TRPM3: variants seen among roughly 807,000 people sequenced by gnomAD.
TRPM3 encodes the protein long transient receptor potential channel 3.
TRPM3 carries 77 observed loss-of-function variants against 181.2 expected under a neutral mutation model. The ratio of observed to expected loss-of-function variants is 0.42; its 90% CI spans 0.35 to 0.51. TRPM3 has a LOEUF of 0.51. Ranked by LOEUF, TRPM3 falls within the 20% of genes least tolerant of loss-of-function variation. TRPM3 has a pLI of 0.01. For synonymous variants in TRPM3, 745 were observed against 796.4 expected (o/e 0.94, Z 1.09); for missense variants, 1,759 against 2,196.7 (o/e 0.80, Z 3.98).
intron 7 of TRPM3, among the ~76,000 whole-genome samples, chr9:70,767,784 C>T (rs886971515): frequency 3.4e-4 from 52 of 152,152 alleles, no homozygotes; most frequent in Non-Finnish European, 1.3e-4. Context: ...TCTTTCCCTG[C>T]TGGTTGCAGG....
intron 1 of TRPM3, among the ~76,000 whole-genome samples, chr9:70,963,207 AT>A (rs1468035112): frequency 6.6e-6 from 1 of 152,208 alleles, no homozygotes; most frequent in Non-Finnish European, 1.5e-5. Context: ...ACTGGGAAGG[AT>A]AAAAGAGTCA....
At chr9:70,801,128 T>G (rs918458286) in intron 6 of TRPM3, among the ~76,000 whole-genome samples, 6 of 152,332 alleles carry the variant, frequency 3.9e-5, no homozygotes, top group Non-Finnish European at 8.8e-5. Context: ...GGATGAAAGG[T>G]ATAAACTAGA....
intron 8 of TRPM3, among the ~76,000 whole-genome samples, chr9:70,693,610 G>A (rs10123284): frequency 0.36 from 55,064 of 151,952 alleles, 10,232 homozygotes; most frequent in East Asian, 0.46. Flanking sequence ...ATCACCAGGC[G>A]AGAGAGTGTC....
chr9:70,957,176 G>A (rs969205373), intron 1 of TRPM3, among the ~76,000 whole-genome samples: 20 of 151,936 alleles, frequency 1.3e-4, no homozygotes, highest in Non-Finnish European at 2.2e-4. Flanking sequence ...GTTGGTCAGG[G>A]TGGTCTCAAA....
intron 6 of TRPM3, among the ~76,000 whole-genome samples, chr9:70,786,007 A>C (rs1380741804): frequency 2.0e-5 from 3 of 152,098 alleles, no homozygotes; most frequent in Admixed American, 1.3e-4. Flanking sequence ...AAATCCAAGG[A>C]GAGGGAAGTG....
At chr9:70,857,159 G>A (rs1455317917) in intron 3 of TRPM3, among the ~76,000 whole-genome samples, 1 of 152,124 alleles carries the variant, frequency 6.6e-6, no homozygotes, top group Non-Finnish European at 1.5e-5. Context: ...TGACATTTAT[G>A]GGGCATCTGA....
chr9:70,846,237 G>C, intron 4 of TRPM3, 141 bp downstream of exon 4: 1 of 725,232 alleles, frequency 1.4e-6, no homozygotes, highest in Non-Finnish European at 2.4e-6. Flanking sequence ...AGATAAAGGA[G>C]GGAGTGATAA....
intron 1 of TRPM3, among the ~76,000 whole-genome samples, chr9:71,389,030 G>A (rs978603315): frequency 2.6e-5 from 4 of 151,896 alleles, no homozygotes; most frequent in African/African-American, 7.3e-5. Context: ...AACTCCAAAC[G>A]AAATTCAAAC....
chr9:70,990,688 C>G (rs970059035), intron 1 of TRPM3, among the ~76,000 whole-genome samples: 1 of 152,038 alleles, frequency 6.6e-6, no homozygotes, highest in East Asian at 1.9e-4. Flanking sequence ...AGTGCACACA[C>G]AGGACTGCAC....
chr9:70,631,013 C>A (rs576037856), intron 12 of TRPM3, among the ~76,000 whole-genome samples: 49 of 152,290 alleles, frequency 3.2e-4, no homozygotes, highest in African/African-American at 1.1e-3. Flanking sequence ...CTTTGAAACT[C>A]ATAACAAGCC....
At chr9:71,243,815 T>C (rs1161835732) in intron 1 of TRPM3, among the ~76,000 whole-genome samples, 1 of 152,126 alleles carries the variant, frequency 6.6e-6, no homozygotes, top group Non-Finnish European at 1.5e-5. Flanking sequence ...GTTTAAATAT[T>C]CAAAAGTTAT....
At chr9:70,767,444 C>T (rs531997303) in intron 7 of TRPM3, among the ~76,000 whole-genome samples, 133 of 152,192 alleles carry the variant, frequency 8.7e-4, no homozygotes, top group Non-Finnish European at 1.1e-3. Flanking sequence ...AGTTGTATGC[C>T]ATGTATTCTG....
At chr9:71,021,934 A>G (rs1378345188) in intron 1 of TRPM3, among the ~76,000 whole-genome samples, 3 of 152,212 alleles carry the variant, frequency 2.0e-5, no homozygotes, top group Non-Finnish European at 4.4e-5. Flanking sequence ...AGAGATAAAT[A>G]GGCAAAAAAC....
At chr9:70,592,740 A>G (rs2058331608) in intron 21 of TRPM3, among the ~76,000 whole-genome samples, 1 of 152,042 alleles carries the variant, frequency 6.6e-6, no homozygotes, top group African/African-American at 2.4e-5. Flanking sequence ...TTATTTTATT[A>G]TTATTTTTCA....
intron 1 of TRPM3, among the ~76,000 whole-genome samples, chr9:71,186,313 A>C (rs974601604): frequency 3.9e-5 from 6 of 152,196 alleles, no homozygotes; most frequent in Middle Eastern, 3.4e-3. Context: ...GTTATTTACT[A>C]TATCAAAAAC....
chr9:70,630,113 G>A (rs1359096938), intron 12 of TRPM3, among the ~76,000 whole-genome samples: 1 of 152,110 alleles, frequency 6.6e-6, no homozygotes. Flanking sequence ...GGGAACTTAT[G>A]GATACTCATT....
At chr9:70,842,365 T>G (rs1036805040) in intron 5 of TRPM3, among the ~76,000 whole-genome samples, 2 of 152,070 alleles carry the variant, frequency 1.3e-5, no homozygotes, top group Admixed American at 6.6e-5. Flanking sequence ...GACATTTATT[T>G]TTTAATTCAA....
chr9:70,987,298 A>C (rs2097431665), intron 1 of TRPM3, among the ~76,000 whole-genome samples: 1 of 152,156 alleles, frequency 6.6e-6, no homozygotes, highest in Non-Finnish European at 1.5e-5. Context: ...AAGTGAAGAG[A>C]GTAATGTCTA....
chr9:70,838,769 G>T (rs1012257628), intron 5 of TRPM3, among the ~76,000 whole-genome samples: 1 of 152,118 alleles, frequency 6.6e-6, no homozygotes, highest in Non-Finnish European at 1.5e-5. Flanking sequence ...AGGCCTAAGT[G>T]GCAGGGGATA....
Sources: allele counts gnomAD v4.1 joint callset (sites outside exome capture counted in the v4.1 genomes callset), GRCh38; gene constraint gnomAD v4.1.1; transcripts MANE v1.5; gene names NCBI Gene and HGNC (gene_info 2026-07-23, HGNC 2026-07-21).